The following BEST4 variants were observed in gnomAD, a reference collection of about 807,000 sequenced individuals.
BEST4 encodes the protein bestrophin 4, also known as bestrophin-4.
Under a neutral mutation model 47.1 loss-of-function variants are expected in BEST4, and 36 were observed. The observed-to-expected ratio is 0.76, with a 90% confidence interval of 0.59 to 1.01. BEST4 has a LOEUF of 1.01. BEST4 is among the 50% of genes least tolerant of loss of function. BEST4 has a pLI of 0.00. For missense variants in BEST4, 550 were observed against 648.6 expected, an observed-to-expected ratio of 0.85 and a Z score of 1.65; for synonymous variants, 250 against 277.8, an observed-to-expected ratio of 0.90 and a Z score of 1.00.
chr1:44,784,816 C>A lies in BEST4; in HGVS notation c.994-33G>T. 6.2e-7 allele frequency: 1 copy of A among 1,600,282 alleles called. No homozygotes were observed. Among genetic ancestry groups the A allele is most frequent in the African/African-American group, 1.3e-5 (1 of 74,820 alleles). ...ACCAGCAAGTTACAAGGATCCTCCT[C>A]TCCTCTCCTTCCCACGGCCGGGCTG... On this transcript the variant is annotated intron_variant, in intron 7 of 8. Transcript: ENST00000372207. This position sits in a 1 kb window ranked among gnomAD's most constrained non-coding sequence, Gnocchi z 6.2.
chr1:44,787,631 C>G lies in BEST4; in HGVS notation c.75G>C (p.Arg25Ser), dbSNP rs1331026019. The part of the protein sequence containing the change: ...GGFSGLLLRW[R>S]GSIYKLLYKE... ...TGTAGAGGAGCTTGTAGATGCTTCC[C>G]CTCCAGCGGAGAAGCAGGCCAGAGA... is the stretch of plus-strand genomic sequence containing the variant. The change falls in exon 1 of 9, where the codon AGG becomes AGC. Residue 25 changes from arginine to serine, a missense_variant. By Grantham distance (110) the Arg-to-Ser change is moderately radical. This residue lies in a region of BEST4 where 291 missense variants were observed against 342.4 expected (regional missense o/e 0.85). Coordinates refer to ENST00000372207, the MANE Select transcript of BEST4 (RefSeq NM_153274.3). 1 of 1,614,242 alleles carries G rather than the reference C, an allele frequency of 6.2e-7. No individual in the cohort carries two copies. The highest frequency in any genetic ancestry group is 8.5e-7 in the Non-Finnish European group (1 of 1,180,042).
At chr1:44,785,569 A>C in intron 5 of BEST4, 30 bp downstream of exon 5, 1 of 1,521,326 alleles carries the variant, frequency 6.6e-7, no homozygotes, top group Non-Finnish European at 8.9e-7. Context: ...TACAGTAGGC[A>C]CTGGGACTCG....
chr1:44,782,669 TAAG>T (rs770133338), downstream of BEST4, among the ~76,000 whole-genome samples: 2 of 138,054 alleles, frequency 1.4e-5, no homozygotes, highest in Non-Finnish European at 3.1e-5. Flanking sequence ...AATAAATAAA[TAAG>T]AAATATTCAC....
At position 44,786,708 on chromosome 1, in the gene BEST4, C is replaced by T. The variant is rs1412614339; in HGVS notation, c.248-12G>A. 2 of 1,542,422 alleles carry T rather than the reference C, an allele frequency of 1.3e-6. No homozygotes were observed. The highest frequency in any genetic ancestry group is 8.8e-7 in the Non-Finnish European group (1 of 1,140,018). On this transcript the variant is annotated splice_polypyrimidine_tract_variant and intron_variant, in intron 2 of 8. Transcript: ENST00000372207. The surrounding 1 kb of genome is among the most constrained non-coding windows in gnomAD (Gnocchi z 4.9). Reference sequence around the variant, plus strand: ...AGTCACATAGAAACCTGCTTGGCCGCCGTGATAGAGGGAGTAGGAAGGGAG... The same window carrying T: ...AGTCACATAGAAACCTGCTTGGCCGTCGTGATAGAGGGAGTAGGAAGGGAG...
Position 44,784,437 on chromosome 1 carries a change from C to A in BEST4, c.1195G>T (p.Gly399Ter), listed in dbSNP as rs1347617718. ...GCGGCGGGCGCGGGCCGACCAGATC[C>A]GGGGGACGCCTCCACCTGCAGGCTC... ...EQSLQVEASPGSGRPAPAAQT... is the reference protein window; with the variant it reads ...EQSLQVEASP The change falls in exon 9 of 9, where the codon GGA becomes TGA. Residue 399 changes from glycine (G) to a stop codon, truncating the protein, a stop_gained. Coordinates refer to ENST00000372207, the MANE Select transcript of BEST4 (RefSeq NM_153274.3). LOFTEE classifies it low-confidence loss of function (END_TRUNC). The surrounding 1 kb of genome is among the most constrained non-coding windows in gnomAD (Gnocchi z 6.2). 18 of 1,179,860 alleles carry A rather than the reference C, an allele frequency of 1.5e-5. No individual in the cohort carries two copies. Among genetic ancestry groups the A allele is most frequent in the Non-Finnish European group, 1.6e-5 (15 of 944,626 alleles). 73.1% of individuals were successfully genotyped at this position (1,179,860 alleles called of 1,614,324 possible). A position where few individuals can be genotyped will look rare whatever the true frequency, so the allele number is the denominator to read the frequency against.
At position 44,786,526 on chromosome 1, in the gene BEST4, G is replaced by T; in HGVS notation, c.418C>A (p.Leu140Met). The part of the protein sequence containing the change: ...RYANLASVLV[L>M]RSVSTRVLKR... ...AGCACGCGGGTGCTGACCGAGCGCA[G>T]CACCAGCACGGACGCCAGGTTCGCG... The change falls in exon 3 of 9, where the codon CTG (leucine) becomes ATG (methionine). Residue 140 changes from leucine (L) to methionine (M), a missense_variant. Leu to Met is a conservative substitution (Grantham distance 15). Around this residue, in one of 3 missense-constraint regions of BEST4, gnomAD observed 291 missense variants for 342.4 expected, o/e 0.85. Transcript: ENST00000372207. This position sits in a 1 kb window ranked among gnomAD's most constrained non-coding sequence, Gnocchi z 4.9. 1.3e-6 allele frequency: 2 copies of T among 1,550,028 alleles called. 1 individual carries two copies. Among genetic ancestry groups the T allele is most frequent in the Non-Finnish European group, 1.7e-6 (2 of 1,147,956 alleles).
In BEST4 at chr1:44,786,166, A is replaced by C; in HGVS notation, c.544T>G (p.Trp182Gly). The part of the protein sequence containing the change: ...ESLKSDFNKY[W>G]VPCVWFTNLA... Reference sequence around the variant, plus strand: ...TTGGTGAACCAGACGCAGGGGACCCAGTACTTGTTGAAGTCGGATTTCAGG... The same window carrying C: ...TTGGTGAACCAGACGCAGGGGACCCCGTACTTGTTGAAGTCGGATTTCAGG... The change falls in exon 4 of 9, where the codon TGG (tryptophan) becomes GGG (glycine). Residue 182 changes from tryptophan (W) to glycine (G), a missense_variant. Physicochemically the swap from Trp to Gly is radical, Grantham distance 184 (BLOSUM62 -2). Coordinates refer to ENST00000372207, the MANE Select transcript of BEST4 (RefSeq NM_153274.3). This position sits in a 1 kb window ranked among gnomAD's most constrained non-coding sequence, Gnocchi z 4.9. 1 of 1,614,138 alleles carries C rather than the reference A, an allele frequency of 6.2e-7. No individual in the cohort carries two copies.
chr1:44,787,742 G>T lies in BEST4; in HGVS notation c.-37C>A. ...CCTGGGGCAGGAGGTCACAAGAGTT[G>T]CCCCCAGGGCTGTCGTTTAGTTCTC... is the stretch of plus-strand genomic sequence containing the variant. On this transcript the variant is annotated 5_prime_UTR_variant, in exon 1 of 9. Coordinates refer to ENST00000372207, the MANE Select transcript of BEST4 (RefSeq NM_153274.3). The T allele has an allele frequency of 6.2e-7, 1 of 1,611,888 alleles. No individual in the cohort carries two copies. Among genetic ancestry groups the T allele is most frequent in the African/African-American group, 1.3e-5 (1 of 74,948 alleles).
chr1:44,783,056 G>C (rs543997641), downstream of BEST4, among the ~76,000 whole-genome samples: 3 of 151,928 alleles, frequency 2.0e-5, no homozygotes, highest in South Asian at 6.2e-4. Flanking sequence ...CCAGATTCAA[G>C]CAATTCTTGT....
downstream of BEST4, among the ~76,000 whole-genome samples, chr1:44,782,629 C>CAAATAAAT (rs150975645): frequency 0.011 from 1,619 of 146,708 alleles, 12 homozygotes; most frequent in East Asian, 0.035. Context: ...GATTCCGTCT[C>CAAATAAAT]AAATAAATAA....
At chr1:44,790,257 C>A (rs1317751608), upstream of BEST4, among the ~76,000 whole-genome samples, 1 of 152,214 alleles carries the variant, frequency 6.6e-6, no homozygotes, top group African/African-American at 2.4e-5. Flanking sequence ...GTCCTGCTAA[C>A]CTGCCCCAGA....
At position 44,785,180 on chromosome 1, in the gene BEST4, G is replaced by T; in HGVS notation, c.840C>A (p.Ala280=). ...GCACGTACATGTCCGGGTCTCCCAG[G>T]GCTGGGGCTGGCTCCTGGCCTGGCT... ...LLKPGQEPAP[A]LGDPDMYVPL... Residue 280 remains alanine, a synonymous_variant, in exon 6 of 9, where the codon GCC becomes GCA. Coordinates refer to ENST00000372207, the MANE Select transcript of BEST4 (RefSeq NM_153274.3). 1 of 1,614,010 alleles carries T rather than the reference G, an allele frequency of 6.2e-7. No homozygotes were observed. The highest frequency in any genetic ancestry group is 8.5e-7 in the Non-Finnish European group (1 of 1,180,004).
Position 44,786,094 on chromosome 1 carries a change from C to G in BEST4, c.616G>C (p.Ala206Pro), listed in dbSNP as rs779794071. 23 of 1,610,148 alleles carry G rather than the reference C, an allele frequency of 1.4e-5. No homozygotes were observed. Among genetic ancestry groups the G allele is most frequent in the Non-Finnish European group, 1.8e-5 (21 of 1,178,640 alleles). ...RRDGRIRDDI[A>P]LCLLLEELNK... ...CTCACTTCCAAAAGTAGACAGAGAG[C>G]GATATCGTCACGTATTCGCCCGTCC... is the stretch of plus-strand genomic sequence containing the variant. Residue 206 changes from alanine (A) to proline (P), a missense_variant, in exon 4 of 9, where the codon GCT becomes CCT. Around this residue, in one of 3 missense-constraint regions of BEST4, gnomAD observed 291 missense variants for 342.4 expected, o/e 0.85. Coordinates refer to ENST00000372207, the MANE Select transcript of BEST4 (RefSeq NM_153274.3). This position sits in a 1 kb window ranked among gnomAD's most constrained non-coding sequence, Gnocchi z 4.9.
upstream of BEST4, among the ~76,000 whole-genome samples, chr1:44,792,426 CAA>C (rs35538089): frequency 2.1e-3 from 204 of 98,122 alleles, no homozygotes; most frequent in East Asian, 3.9e-3. Context: ...GACTCCATCT[CAA>C]AAAAAAAAAA....
chr1:44,784,183 G>C lies in BEST4; in HGVS notation c.*27C>G, dbSNP rs1398953754. On this transcript the variant is annotated 3_prime_UTR_variant, in exon 9 of 9. Transcript: ENST00000372207. This position sits in a 1 kb window ranked among gnomAD's most constrained non-coding sequence, Gnocchi z 6.2. ...GGAGGGAAGGAGGGCAGTGGGTGGG[G>C]GAAACCGGGCGGGGGCAGGCGAGAC... 18 of 1,387,434 alleles carry C rather than the reference G, an allele frequency of 1.3e-5. No homozygotes were observed. Among genetic ancestry groups the C allele is most frequent in the Non-Finnish European group, 1.6e-5 (17 of 1,080,952 alleles). The allele number at this position is 1,387,434 out of a possible 1,614,324, so 85.9% of individuals were successfully genotyped here. A position where few individuals can be genotyped will look rare whatever the true frequency, so the allele number is the denominator to read the frequency against.
At chr1:44,789,672 T>C (rs1468319016), upstream of BEST4, among the ~76,000 whole-genome samples, 1 of 151,838 alleles carries the variant, frequency 6.6e-6, no homozygotes, top group Non-Finnish European at 1.5e-5. Context: ...CACTCCAGCC[T>C]GGACAACAAG....
At chr1:44,785,374 G>C in intron 5 of BEST4, 69 bp from the exon 6 acceptor site, 1 of 1,457,446 alleles carries the variant, frequency 6.9e-7, no homozygotes. Context: ...CCCTGCCTCT[G>C]AGGATCTATG....
upstream of BEST4, among the ~76,000 whole-genome samples, chr1:44,790,255 A>G (rs766453863): frequency 2.0e-5 from 3 of 152,210 alleles, no homozygotes; most frequent in Non-Finnish European, 4.4e-5. Flanking sequence ...ATGTCCTGCT[A>G]ACCTGCCCCA....
chr1:44,789,601 G>A (rs1183300852), upstream of BEST4, among the ~76,000 whole-genome samples: 1 of 152,072 alleles, frequency 6.6e-6, no homozygotes, highest in Non-Finnish European at 1.5e-5. Flanking sequence ...CGGAGGCTGA[G>A]ACAGAAGAAT....
Sources: gnomAD v4.1 joint callset for allele counts (sites outside exome capture counted in the v4.1 genomes callset) on GRCh38, gnomAD v4.1.1 for gene constraint, gnomAD v4.1.1 regional missense constraint, Gnocchi (gnomAD v3.1) non-coding constraint, MANE v1.5 for transcripts, NCBI Gene and HGNC (gene_info 2026-07-23, HGNC 2026-07-21) for gene names.